The following PIK3C2A variants were observed in gnomAD, a reference collection of about 807,000 sequenced individuals.
PIK3C2A encodes the protein phosphatidylinositol 4-phosphate 3-kinase C2 domain-containing subunit alpha.
Under a neutral mutation model 204.5 loss-of-function variants are expected in PIK3C2A, and 97 were observed. The observed-to-expected ratio is 0.47, with a 90% CI of 0.40 to 0.56. The LOEUF (loss-of-function observed/expected upper bound fraction) is 0.56. Among genes scored for constraint, PIK3C2A ranks in the 20% least tolerant of loss-of-function variants. PIK3C2A has a pLI of 0.00. For missense variants in PIK3C2A, 1,735 were observed against 1,969.2 expected, an observed-to-expected ratio of 0.88 and a Z score of 2.25; for synonymous variants, 653 against 664.4, an observed-to-expected ratio of 0.98 and a Z score of 0.26.
At chr11:17,170,192 T>C (rs1263553469) in intron 1 of PIK3C2A, among the ~76,000 whole-genome samples, 2 of 152,224 alleles carry the variant, frequency 1.3e-5, no homozygotes, top group Non-Finnish European at 2.9e-5. Flanking sequence ...GGTTTACCAA[T>C]ATGCAGAAAT....
chr11:17,113,845 G>T (rs1590922134), intron 20 of PIK3C2A, among the ~76,000 whole-genome samples: 1 of 149,524 alleles, frequency 6.7e-6, no homozygotes, highest in Non-Finnish European at 1.5e-5. Context: ...ATTTTGGGAG[G>T]CCGAGGTGGG....
chr11:17,167,073 C>G (rs1314986151), intron 2 of PIK3C2A, among the ~76,000 whole-genome samples: 1 of 152,060 alleles, frequency 6.6e-6, no homozygotes, highest in South Asian at 2.1e-4. Context: ...TGGTCTCACA[C>G]GATCCTCCCA....
At chr11:17,126,334 T>A (rs1849523635) in intron 13 of PIK3C2A, among the ~76,000 whole-genome samples, 1 of 151,958 alleles carries the variant, frequency 6.6e-6, no homozygotes, top group Non-Finnish European at 1.5e-5. Flanking sequence ...GGAAGATGGA[T>A]CACTTGAGGC....
chr11:17,181,177 G>C (rs1851536915), intron 1 of PIK3C2A, among the ~76,000 whole-genome samples: 1 of 151,982 alleles, frequency 6.6e-6, no homozygotes, highest in African/African-American at 2.4e-5. Flanking sequence ...GTCATTTAAG[G>C]GTTTTAATGG....
rs1402340061 is a variant in PIK3C2A at position 17,169,406 on chromosome 11, T to C, written c.336A>G (p.Lys112=). 5.0e-6 allele frequency: 8 copies of C among 1,614,168 alleles called. No homozygotes were observed. Among genetic ancestry groups the C allele is most frequent in the Non-Finnish European group, 6.8e-6 (8 of 1,180,010 alleles). ...GAGTAACTGGTAATACAGGTGTTTTTTTAGTCTCGAAACTGTCATCCAGCA... is the reference window on the plus strand; with the variant it reads ...GAGTAACTGGTAATACAGGTGTTTTCTTAGTCTCGAAACTGTCATCCAGCA... ...KLLLDDSFET[K]KTPVLPVTPI... Residue 112 remains lysine, a synonymous_variant, in exon 2 of 33, where the codon AAA becomes AAG. Coordinates refer to ENST00000691414, the MANE Select transcript of PIK3C2A (RefSeq NM_002645.4).
chr11:17,188,601 T>G (rs1301215425), intron 1 of PIK3C2A, among the ~76,000 whole-genome samples: 2 of 146,780 alleles, frequency 1.4e-5, no homozygotes, highest in East Asian at 3.8e-4. Context: ...CTGAGTAGTC[T>G]AATGTGCTGG....
At chr11:17,179,601 A>G (rs1035830180) in intron 1 of PIK3C2A, among the ~76,000 whole-genome samples, 3 of 152,206 alleles carry the variant, frequency 2.0e-5, no homozygotes, top group Non-Finnish European at 4.4e-5. Flanking sequence ...ACCACATAGG[A>G]TAAGTTACAA....
At chr11:17,114,018 T>G (rs1849086855) in intron 20 of PIK3C2A, among the ~76,000 whole-genome samples, 1 of 151,664 alleles carries the variant, frequency 6.6e-6, no homozygotes, top group South Asian at 2.1e-4. Flanking sequence ...AGGTGGAGGT[T>G]GCAGTGAGCC....
chr11:17,125,300 AG>A (rs1196359901), intron 13 of PIK3C2A, among the ~76,000 whole-genome samples: 2 of 152,126 alleles, frequency 1.3e-5, no homozygotes, highest in Non-Finnish European at 2.9e-5. Flanking sequence ...TTGTAAACTG[AG>A]GGGGACAACT....
rs1303954156 is a variant in PIK3C2A at position 17,112,636 on chromosome 11, G to A, written c.3352C>T (p.Pro1118Ser). 1.3e-6 allele frequency: 2 copies of A among 1,550,086 alleles called. No individual in the cohort carries two copies. The highest frequency in any genetic ancestry group is 2.4e-5 in the South Asian group (2 of 82,104). ...GCATTCACCATTGTGACTTTTAGGGGGACAGCATTAGAACTGAAGAAGGAA... is the reference window on the plus strand; with the variant it reads ...GCATTCACCATTGTGACTTTTAGGGAGACAGCATTAGAACTGAAGAAGGAA... ...SCSFFSSNAV[P>S]LKVTMVNADP... The change falls in exon 21 of 33, where the codon CCC becomes TCC. Residue 1118 changes from proline to serine, a missense_variant. This residue lies in a region of PIK3C2A where 567 missense variants were observed against 576.0 expected (regional missense o/e 0.98). Coordinates refer to ENST00000691414, the MANE Select transcript of PIK3C2A (RefSeq NM_002645.4).
intron 1 of PIK3C2A, among the ~76,000 whole-genome samples, chr11:17,186,543 T>G (rs976220652): frequency 6.6e-6 from 1 of 152,202 alleles, no homozygotes. Flanking sequence ...AGAGATATAA[T>G]AAAGAGATAC....
rs754354293 is a variant in PIK3C2A, at chr11:17,155,634, A to T, written c.1066-5T>A. 18 of 1,554,536 alleles carry T rather than the reference A, an allele frequency of 1.2e-5. No individual in the cohort carries two copies. Among genetic ancestry groups the T allele is most frequent in the Non-Finnish European group, 1.6e-5 (18 of 1,129,366 alleles). ...ACTGGTCCCATTTGGGTCTTTCTGTAATTAAAAAAGTGTTTTTATTTTAAA... is the reference window on the plus strand; with the variant it reads ...ACTGGTCCCATTTGGGTCTTTCTGTTATTAAAAAAGTGTTTTTATTTTAAA... On this transcript the variant is annotated splice_polypyrimidine_tract_variant and splice_region_variant and intron_variant, in intron 2 of 32. Transcript: ENST00000691414.
At chr11:17,112,385 G>T (rs1209610070) in intron 21 of PIK3C2A, among the ~76,000 whole-genome samples, 189 bp downstream of exon 21, 2 of 152,080 alleles carry the variant, frequency 1.3e-5, no homozygotes, top group African/African-American at 2.4e-5. Context: ...CCCAGGATGT[G>T]GAGGTTGCAG....
chr11:17,095,563 C>T (rs1018499427), intron 27 of PIK3C2A, among the ~76,000 whole-genome samples: 1 of 151,414 alleles, frequency 6.6e-6, no homozygotes, highest in African/African-American at 2.4e-5. Context: ...TGCACTCCAG[C>T]CTGGGCAACA....
chr11:17,150,580 T>G lies in PIK3C2A; in HGVS notation c.1245A>C (p.Arg415Ser). Residue 415 changes from arginine (R) to serine (S), a missense_variant, in exon 4 of 33, where the codon AGA becomes AGC. By Grantham distance (110) the Arg-to-Ser change is moderately radical. This residue lies in a region of PIK3C2A where 536 missense variants were observed against 546.7 expected (regional missense o/e 0.98). Transcript: ENST00000691414. ...GYLLSPVTAQRNICGENASVK... is the reference protein window; with the variant it reads ...GYLLSPVTAQSNICGENASVK... ...CACTAGCATTTTCTCCGCATATGTT[T>G]CTTTGTGCTGTGACTGGACTTAACA... The G allele has an allele frequency of 6.2e-7, 1 of 1,612,290 alleles. No homozygotes were observed. The highest frequency in any genetic ancestry group is 1.7e-5 in the Admixed American group (1 of 59,828).
At chr11:17,109,399 T>C (rs1197942691) in intron 22 of PIK3C2A, among the ~76,000 whole-genome samples, 2 of 152,246 alleles carry the variant, frequency 1.3e-5, no homozygotes, top group Non-Finnish European at 2.9e-5. Context: ...GGCTGCCATT[T>C]ATTGAGCACA....
chr11:17,131,874 C>T, intron 12 of PIK3C2A, 42 bp downstream of exon 12: 1 of 1,550,150 alleles, frequency 6.5e-7, no homozygotes, highest in Non-Finnish European at 8.8e-7. Flanking sequence ...AAGTAAACAA[C>T]AGGACACACT....
In PIK3C2A at chr11:17,185,807, C is replaced by T. The variant is rs1042253842; in HGVS notation, c.-65-16001G>A. On this transcript the variant is annotated intron_variant, in intron 1 of 32. Transcript: ENST00000691414. The stretch of plus-strand genomic sequence containing the variant: ...AATTAATCATCATCTCTTGTTCTTT[C>T]CTGGATTATTGAAATAGCCTTCCCC... Among the ~76,000 whole-genome samples, 11 of 152,260 alleles carry T rather than the reference C, an allele frequency of 7.2e-5. No individual in the cohort carries two copies. In the Middle Eastern group the frequency reaches 0.01, roughly 141 times the overall value.
At chr11:17,107,995 C>G (rs1848883248) in intron 22 of PIK3C2A, among the ~76,000 whole-genome samples, 1 of 152,156 alleles carries the variant, frequency 6.6e-6, no homozygotes, top group African/African-American at 2.4e-5. Flanking sequence ...CCTGAGCCTC[C>G]CAGCAGCCAG....
Sources: allele counts gnomAD v4.1 joint callset (sites outside exome capture counted in the v4.1 genomes callset), GRCh38; gene constraint gnomAD v4.1.1; regional missense constraint gnomAD v4.1.1; transcripts MANE v1.5; gene names NCBI Gene and HGNC (gene_info 2026-07-23, HGNC 2026-07-21).